RAP1GAP2: variants seen among roughly 807,000 people sequenced by gnomAD.
The protein encoded by RAP1GAP2 is rap1 GTPase-activating protein 2.
RAP1GAP2 carries 27 observed loss-of-function variants against 95.0 expected under a neutral mutation model. That is an observed-to-expected ratio of 0.28 (90% CI 0.21 to 0.39). The LOEUF (loss-of-function observed/expected upper bound fraction) is 0.39. RAP1GAP2 is among the 10% of genes least tolerant of loss of function. RAP1GAP2 has a pLI of 1.00. For missense variants in RAP1GAP2, 771 were observed against 970.0 expected, an observed-to-expected ratio of 0.79 and a Z score of 2.72; for synonymous variants, 373 against 380.9, an observed-to-expected ratio of 0.98 and a Z score of 0.24.
intron 1 of RAP1GAP2, among the ~76,000 whole-genome samples, chr17:2,787,328 T>C (rs988224360): frequency 6.6e-6 from 1 of 151,266 alleles, no homozygotes; most frequent in Non-Finnish European, 1.5e-5. Context: ...CAGTGGTCTT[T>C]ACTGCAGCCC....
chr17:2,819,517 A>C (rs1324742411), intron 2 of RAP1GAP2, among the ~76,000 whole-genome samples: 1 of 150,800 alleles, frequency 6.6e-6, no homozygotes, highest in Non-Finnish European at 1.5e-5. Flanking sequence ...TCTGTCACCC[A>C]GGCTGGAGTG....
intron 3 of RAP1GAP2, among the ~76,000 whole-genome samples, chr17:2,924,921 A>C (rs1055409577): frequency 6.6e-6 from 1 of 152,134 alleles, no homozygotes; most frequent in Non-Finnish European, 1.5e-5. Context: ...GGAGACCAGA[A>C]TTGCATCTCA....
At chr17:2,873,068 A>G (rs2072915107) in intron 2 of RAP1GAP2, among the ~76,000 whole-genome samples, 1 of 149,536 alleles carries the variant, frequency 6.7e-6, no homozygotes, top group Non-Finnish European at 1.5e-5. Flanking sequence ...GCGCCACCGC[A>G]CTCCAGCCTA....
intron 17 of RAP1GAP2, among the ~76,000 whole-genome samples, chr17:3,010,336 C>CAAAAAAAAAAAAAAAAAAAAAAAAAA (rs1179623628): frequency 2.8e-5 from 2 of 70,276 alleles, no homozygotes; most frequent in Non-Finnish European, 5.3e-5. Flanking sequence ...GAGACTGTCT[C>CAAAAAAAAAAAAAAAAAAAAAAAAAA]AAAAAAAAAA....
At chr17:2,894,475 G>C (rs1187409307) in intron 2 of RAP1GAP2, among the ~76,000 whole-genome samples, 6 of 152,116 alleles carry the variant, frequency 3.9e-5, no homozygotes, top group African/African-American at 1.4e-4. Context: ...CCTACATGCT[G>C]TCCCTGAGGG....
chr17:2,803,763 C>T (rs1467284783), intron 2 of RAP1GAP2, among the ~76,000 whole-genome samples: 1 of 152,112 alleles, frequency 6.6e-6, no homozygotes, highest in Non-Finnish European at 1.5e-5. Flanking sequence ...CCTGTAGCCC[C>T]GGCTACTTGG....
intron 2 of RAP1GAP2, among the ~76,000 whole-genome samples, chr17:2,893,644 G>A (rs957202301): frequency 3.9e-5 from 6 of 152,246 alleles, no homozygotes; most frequent in Admixed American, 3.9e-4. Flanking sequence ...TTTTGTGAGT[G>A]GTTTCTGAAG....
chr17:2,821,620 C>T (rs150487635), intron 2 of RAP1GAP2, among the ~76,000 whole-genome samples: 5 of 151,766 alleles, frequency 3.3e-5, no homozygotes, highest in African/African-American at 4.8e-5. Context: ...GCAATCCATC[C>T]GCCTTGGCCT....
Position 2,969,331 on chromosome 17 carries a change from T to C in RAP1GAP2, c.596+3688T>C, listed in dbSNP as rs186773898. 2.6e-4 allele frequency among the ~76,000 whole-genome samples: 39 copies of C among 151,822 alleles called. 1 individual carries two copies. The highest frequency in any genetic ancestry group is 2.4e-3 in the Admixed American group (37 of 15,188). On this transcript the variant is annotated intron_variant, in intron 8 of 24. Coordinates refer to ENST00000254695, the MANE Select transcript of RAP1GAP2 (RefSeq NM_015085.5). ...GTGGACCTGCTACATCAGAATCATT[T>C]TGGATCTTTAAAACAAAGTAAAACA...
chr17:2,797,910 C>T lies in RAP1GAP2; in HGVS notation c.44+1339C>T, dbSNP rs1479142384. On this transcript the variant is annotated intron_variant, in intron 1 of 24. Coordinates refer to ENST00000254695, the MANE Select transcript of RAP1GAP2 (RefSeq NM_015085.5). This position sits in a 1 kb window ranked among gnomAD's most constrained non-coding sequence, Gnocchi z 5.6. ...ATTGTGCCCTCCAAGGCCCGCCTTTCTCTGGGAGGTGTGGAGCAGATGGAA... is the reference window on the plus strand; with the variant it reads ...ATTGTGCCCTCCAAGGCCCGCCTTTTTCTGGGAGGTGTGGAGCAGATGGAA... The T allele has an allele frequency of 2.0e-6, 1 of 495,724 alleles. No individual in the cohort carries two copies. The highest frequency in any genetic ancestry group is 2.1e-5 in the African/African-American group (1 of 47,628). The allele number at this position is 495,724 out of a possible 1,614,324, so 30.7% of individuals were successfully genotyped here. A position where few individuals can be genotyped will look rare whatever the true frequency, so the allele number is the denominator to read the frequency against.
rs376352947 is a variant in RAP1GAP2 at position 2,825,753 on chromosome 17, T to G, written c.80+25203T>G. ...TGCAGCTGTTACTGAAGACAGAGCG[T>G]TTAGGTGTGAAGAGGGTCTGGTGCC... On this transcript the variant is annotated intron_variant, in intron 2 of 24. Transcript: ENST00000254695. The surrounding 1 kb of genome is among the most constrained non-coding windows in gnomAD (Gnocchi z 4.1). 1.3e-5 allele frequency among the ~76,000 whole-genome samples: 2 copies of G among 152,042 alleles called. No individual in the cohort carries two copies.
intron 3 of RAP1GAP2, among the ~76,000 whole-genome samples, chr17:2,954,228 C>T (rs1436077457): frequency 6.6e-6 from 1 of 152,040 alleles, no homozygotes; most frequent in African/African-American, 2.4e-5. Flanking sequence ...CCTCAGCCTC[C>T]TGAGTAGCTG....
At chr17:3,018,502 G>A (rs2046853045) in intron 18 of RAP1GAP2, among the ~76,000 whole-genome samples, 1 of 152,186 alleles carries the variant, frequency 6.6e-6, no homozygotes, top group Non-Finnish European at 1.5e-5. Flanking sequence ...CCTGCAGTGT[G>A]GTCCTGGGGT....
Position 3,020,468 on chromosome 17 carries a change from C to G in RAP1GAP2, c.1633-9C>G. ...CCGGGAGCACTCATTTTGGCAATTT[C>G]ATCGACAGCCTCCAGTGGTGGCGGC... is the stretch of plus-strand genomic sequence containing the variant. On this transcript the variant is annotated splice_polypyrimidine_tract_variant and intron_variant, in intron 18 of 24. Transcript: ENST00000254695. 6.2e-7 allele frequency: 1 copy of G among 1,611,720 alleles called. No individual in the cohort carries two copies. Among genetic ancestry groups the G allele is most frequent in the Non-Finnish European group, 8.5e-7 (1 of 1,178,572 alleles).
chr17:2,803,299 T>C (rs2028000), intron 2 of RAP1GAP2, among the ~76,000 whole-genome samples: 34,838 of 151,968 alleles, frequency 0.23, 4,109 homozygotes, highest in South Asian at 0.37. Context: ...CGGAGTTTTA[T>C]TGGTTAAGAT....
At chr17:2,934,298 AT>A (rs1475318463) in intron 3 of RAP1GAP2, among the ~76,000 whole-genome samples, 1 of 152,228 alleles carries the variant, frequency 6.6e-6, no homozygotes, top group East Asian at 1.9e-4. Flanking sequence ...TGCTAGGCTA[AT>A]TTTTGTATTT....
At chr17:2,979,435 C>T (rs890851383) in intron 8 of RAP1GAP2, among the ~76,000 whole-genome samples, 5 of 149,504 alleles carry the variant, frequency 3.3e-5, no homozygotes, top group African/African-American at 1.2e-4. Flanking sequence ...ATTTCAGTGG[C>T]AGACAGATAT....
At chr17:2,874,320 C>T (rs1361545440) in intron 2 of RAP1GAP2, among the ~76,000 whole-genome samples, 1 of 152,072 alleles carries the variant, frequency 6.6e-6, no homozygotes, top group Non-Finnish European at 1.5e-5. Context: ...CTCTAAACTC[C>T]AAGGGAGGAA....
chr17:3,023,976 G>A (rs1227187338), intron 19 of RAP1GAP2, among the ~76,000 whole-genome samples: 1 of 152,168 alleles, frequency 6.6e-6, no homozygotes, highest in Non-Finnish European at 1.5e-5. Context: ...CCCTGCAAAG[G>A]ACATGAACTC....
Sources: allele counts gnomAD v4.1 joint callset (sites outside exome capture counted in the v4.1 genomes callset), GRCh38; gene constraint gnomAD v4.1.1; non-coding constraint Gnocchi (gnomAD v3.1); transcripts MANE v1.5; gene names NCBI Gene and HGNC (gene_info 2026-07-23, HGNC 2026-07-21).